Variants in TAMALIN observed in about 807,000 individuals in gnomAD.
The protein encoded by TAMALIN is protein TAMALIN.
TAMALIN carries 9 observed loss-of-function variants against 38.5 expected under a neutral mutation model. The ratio of observed to expected loss-of-function variants is 0.23; its 90% CI spans 0.14 to 0.41. The LOEUF (loss-of-function observed/expected upper bound fraction) is 0.41. TAMALIN is among the 10% of genes least tolerant of loss of function. TAMALIN has a pLI of 1.00. For synonymous variants in TAMALIN, 306 were observed against 256.5 expected (o/e 1.19, Z -1.85); for missense variants, 548 against 554.1 (o/e 0.99, Z 0.11).
Position 52,013,793 on chromosome 12 carries a change from G to T in TAMALIN, c.548+13G>T. 1 of 1,613,388 alleles carries T rather than the reference G, an allele frequency of 6.2e-7. No homozygotes were observed. Among genetic ancestry groups the T allele is most frequent in the Non-Finnish European group, 8.5e-7 (1 of 1,179,278 alleles). On this transcript the variant is annotated intron_variant, in intron 5 of 7. Transcript: ENST00000293662. Reference sequence around the variant, plus strand: ...GCAATGTTCTCAGGTATGTCTGGGAGCCGAGGTGCCTGAATTCCTGAGCTC... The same window carrying T: ...GCAATGTTCTCAGGTATGTCTGGGATCCGAGGTGCCTGAATTCCTGAGCTC...
intron 4 of TAMALIN, among the ~76,000 whole-genome samples, chr12:52,012,165 C>T (rs1008103241): frequency 3.3e-5 from 5 of 152,290 alleles, no homozygotes; most frequent in South Asian, 2.1e-4. Flanking sequence ...GCAACCCACT[C>T]GCCAGGTAAC....
At chr12:52,008,775 C>T (rs1942454187) in intron 1 of TAMALIN, 2 of 984,468 alleles carry the variant, frequency 2.0e-6, no homozygotes, top group South Asian at 4.7e-5. Flanking sequence ...GCCCAGGGGA[C>T]ACCTATCCTC....
chr12:52,007,111 C>G lies in TAMALIN; in HGVS notation c.92C>G (p.Ala31Gly). 1 of 1,482,226 alleles carries G rather than the reference C, an allele frequency of 6.7e-7. No individual in the cohort carries two copies. The allele number at this position is 1,482,226 out of a possible 1,614,324, so 91.8% of individuals were successfully genotyped here. Residue 31 changes from alanine (A) to glycine (G), a missense_variant, in exon 1 of 8, where the codon GCG becomes GGG. This residue lies in a region of TAMALIN where 128 missense variants were observed against 117.9 expected (regional missense o/e 1.09). Transcript: ENST00000293662. This position sits in a 1 kb window ranked among gnomAD's most constrained non-coding sequence, Gnocchi z 6.7. ...PAARTPDSEV[A>G]PAAPVPTPGP... ...GCCCGGACTCCCGACTCGGAAGTCGCGCCCGCCGCTCCGGTCCCGACCCCG... is the reference window on the plus strand; with the variant it reads ...GCCCGGACTCCCGACTCGGAAGTCGGGCCCGCCGCTCCGGTCCCGACCCCG...
rs1460251066 is a variant in TAMALIN, at chr12:52,008,172, C to T, written c.246+907C>T. The T allele has an allele frequency of 3.0e-6, 3 of 985,272 alleles. No homozygotes were observed. In the African/African-American group the frequency reaches 5.2e-5, roughly 17 times the overall value. 61.0% of individuals were successfully genotyped at this position (985,272 alleles called of 1,614,324 possible). A position where few individuals can be genotyped will look rare whatever the true frequency, so the allele number is the denominator to read the frequency against. Reference sequence around the variant, plus strand: ...CCTCCCTGGCCGTTTGGGAACTGTCCCCACCCCTGAGGCCAATCTGGTTCT... The same window carrying T: ...CCTCCCTGGCCGTTTGGGAACTGTCTCCACCCCTGAGGCCAATCTGGTTCT... On this transcript the variant is annotated intron_variant, in intron 1 of 7. Transcript: ENST00000293662.
In TAMALIN at chr12:52,013,897, C is replaced by A; in HGVS notation, c.569C>A (p.Thr190Lys). The A allele has an allele frequency of 6.2e-7, 1 of 1,614,130 alleles. No individual in the cohort carries two copies. The highest frequency in any genetic ancestry group is 8.5e-7 in the Non-Finnish European group (1 of 1,180,030). ...CTCAGACTGGAAACTCTATATGGGACATCAATTCGGAAGGCAGAACTGGAG... is the reference window on the plus strand; with the variant it reads ...CTCAGACTGGAAACTCTATATGGGAAATCAATTCGGAAGGCAGAACTGGAG... The part of the protein sequence containing the change: ...NVLRLETLYG[T>K]SIRKAELEAR... The change falls in exon 6 of 8, where the codon ACA becomes AAA. Residue 190 changes from threonine to lysine, a missense_variant. Around this residue, in one of 3 missense-constraint regions of TAMALIN, gnomAD observed 415 missense variants for 417.0 expected, o/e 1.00. Transcript: ENST00000293662.
chr12:52,010,005 C>T (rs929180257), intron 2 of TAMALIN, among the ~76,000 whole-genome samples: 37 of 152,176 alleles, frequency 2.4e-4, no homozygotes, highest in African/African-American at 8.7e-4. Context: ...GCTGACCCTT[C>T]CAAAAAACCC....
At position 52,007,071 on chromosome 12, in the gene TAMALIN, AC is replaced by A. The variant is rs1453568585; in HGVS notation, c.56del (p.Pro19ArgfsTer84). ...KLQQKEEAAA[T>X]PDPAARTPDS... The stretch of plus-strand genomic sequence containing the variant: ...GCAGCAGAAGGAGGAGGCGGCGGCC[AC>A]CCCGGACCCCGCCGCCCGGACTCCC... On this transcript the variant is annotated frameshift_variant, in exon 1 of 8. Transcript: ENST00000293662. LOFTEE classifies it high-confidence loss of function. The surrounding 1 kb of genome is among the most constrained non-coding windows in gnomAD (Gnocchi z 6.7). 6.9e-7 allele frequency: 1 copy of A among 1,458,664 alleles called. No individual in the cohort carries two copies. Among genetic ancestry groups the A allele is most frequent in the South Asian group, 1.3e-5 (1 of 74,650 alleles). The allele number at this position is 1,458,664 out of a possible 1,614,324, so 90.4% of individuals were successfully genotyped here.
chr12:52,008,216 C>T, intron 1 of TAMALIN: 3 of 985,438 alleles, frequency 3.0e-6, no homozygotes, highest in East Asian at 1.1e-4. Context: ...TCTTCCTTGC[C>T]TTGGGCAGCT....
Position 52,008,707 on chromosome 12 carries a change from A to G in TAMALIN, c.247-483A>G, listed in dbSNP as rs1201546529. The G allele has an allele frequency of 4.1e-6, 4 of 985,240 alleles. No individual in the cohort carries two copies. The African/African-American group carries it at 7.0e-5, about 17-fold the overall frequency. The allele number at this position is 985,240 out of a possible 1,614,324, so 61.0% of individuals were successfully genotyped here. A position where few individuals can be genotyped will look rare whatever the true frequency, so the allele number is the denominator to read the frequency against. On this transcript the variant is annotated intron_variant, in intron 1 of 7. Transcript: ENST00000293662. ...CCTCCCAAGCCACTGTCTGTAGCTGAGAAATTAGATGGAGAGACCCAACTG... is the reference window on the plus strand; with the variant it reads ...CCTCCCAAGCCACTGTCTGTAGCTGGGAAATTAGATGGAGAGACCCAACTG...
intron 2 of TAMALIN, among the ~76,000 whole-genome samples, chr12:52,009,615 C>T (rs1175250567): frequency 1.3e-5 from 2 of 152,246 alleles, no homozygotes; most frequent in East Asian, 3.9e-4. Context: ...CCCCACGGGC[C>T]CAGACCTTAG....
rs528886600 is a variant in TAMALIN, at chr12:52,007,342, C to A, written c.246+77C>A. On this transcript the variant is annotated intron_variant, in intron 1 of 7. Coordinates refer to ENST00000293662, the MANE Select transcript of TAMALIN (RefSeq NM_181711.4). The surrounding 1 kb of genome is among the most constrained non-coding windows in gnomAD (Gnocchi z 6.7). The stretch of plus-strand genomic sequence containing the variant: ...ACAGGGCCTGCTGACTCCGCAGTGC[C>A]CTCTCCTCGGCGTCCGCGGAGTCCC... The A allele has an allele frequency of 5.3e-6, 7 of 1,323,616 alleles. No individual in the cohort carries two copies. In the East Asian group the frequency reaches 2.0e-4, roughly 39 times the overall value. 82.0% of individuals were successfully genotyped at this position (1,323,616 alleles called of 1,614,324 possible).
intron 1 of TAMALIN, 88 bp from the exon 2 acceptor site, chr12:52,009,102 G>GT (rs1253196882): frequency 3.2e-6 from 4 of 1,255,676 alleles, no homozygotes; most frequent in Non-Finnish European, 4.6e-6. Flanking sequence ...CAGACAGGAA[G>GT]TGGGTCGCTG....
chr12:52,013,380 CA>C (rs1383369916), intron 4 of TAMALIN: 2 of 328,090 alleles, frequency 6.1e-6, no homozygotes, highest in African/African-American at 2.1e-5. Context: ...CCCGGCCGGA[CA>C]GAACTTCTTG....
Position 52,007,073 on chromosome 12 carries a change from C to A in TAMALIN, c.54C>A (p.Thr18=). 6.8e-7 allele frequency: 1 copy of A among 1,471,402 alleles called. No homozygotes were observed. The allele number at this position is 1,471,402 out of a possible 1,614,324, so 91.1% of individuals were successfully genotyped here. A position where few individuals can be genotyped will look rare whatever the true frequency, so the allele number is the denominator to read the frequency against. Residue 18 remains threonine (T), a synonymous_variant, in exon 1 of 8, where the codon ACC becomes ACA. Coordinates refer to ENST00000293662, the MANE Select transcript of TAMALIN (RefSeq NM_181711.4). This position sits in a 1 kb window ranked among gnomAD's most constrained non-coding sequence, Gnocchi z 6.7. The stretch of plus-strand genomic sequence containing the variant: ...AGCAGAAGGAGGAGGCGGCGGCCAC[C>A]CCGGACCCCGCCGCCCGGACTCCCG... ...KLQQKEEAAA[T]PDPAARTPDS...
intron 2 of TAMALIN, among the ~76,000 whole-genome samples, chr12:52,010,152 ATC>A (rs1942479198): frequency 6.6e-6 from 1 of 152,178 alleles, no homozygotes; most frequent in Non-Finnish European, 1.5e-5. Context: ...ATTTGGGGGA[ATC>A]TCTGGGTCAG....
chr12:52,007,132 C>T lies in TAMALIN; in HGVS notation c.113C>T (p.Thr38Ile). The T allele has an allele frequency of 6.7e-7, 1 of 1,486,158 alleles. No individual in the cohort carries two copies. Among genetic ancestry groups the T allele is most frequent in the Non-Finnish European group, 8.9e-7 (1 of 1,126,362 alleles). The allele number at this position is 1,486,158 out of a possible 1,614,324, so 92.1% of individuals were successfully genotyped here. Residue 38 changes from threonine (T) to isoleucine (I), a missense_variant, in exon 1 of 8, where the codon ACC (threonine) becomes ATC (isoleucine). Physicochemically the swap from Thr to Ile is moderately conservative, Grantham distance 89 (BLOSUM62 -1). Transcript: ENST00000293662. This position sits in a 1 kb window ranked among gnomAD's most constrained non-coding sequence, Gnocchi z 6.7. Reference sequence around the variant, plus strand: ...GTCGCGCCCGCCGCTCCGGTCCCGACCCCGGGACCCCCTGCCGCAGCCGCC... The same window carrying T: ...GTCGCGCCCGCCGCTCCGGTCCCGATCCCGGGACCCCCTGCCGCAGCCGCC... ...SEVAPAAPVP[T>I]PGPPAAAATP...
Position 52,007,290 on chromosome 12 carries a change from A to T in TAMALIN, c.246+25A>T. 7.2e-7 allele frequency: 1 copy of T among 1,397,744 alleles called. No homozygotes were observed. Among genetic ancestry groups the T allele is most frequent in the Non-Finnish European group, 9.3e-7 (1 of 1,079,422 alleles). 86.6% of individuals were successfully genotyped at this position (1,397,744 alleles called of 1,614,324 possible). ...GGTGCGTCCCCCGCCCGCCTTCAGG[A>T]TCTGCTCAGCCCCTCTCCGACTCCC... On this transcript the variant is annotated intron_variant, in intron 1 of 7. Transcript: ENST00000293662. This position sits in a 1 kb window ranked among gnomAD's most constrained non-coding sequence, Gnocchi z 6.7.
chr12:52,014,665 C>A lies in TAMALIN; in HGVS notation c.683-29C>A, dbSNP rs543261744. 1.7e-4 allele frequency: 245 copies of A among 1,445,814 alleles called. 2 individuals are homozygous for A. In the South Asian group the frequency reaches 3.5e-3, roughly 20 times the overall value. The allele number at this position is 1,445,814 out of a possible 1,614,324, so 89.6% of individuals were successfully genotyped here. A position where few individuals can be genotyped will look rare whatever the true frequency, so the allele number is the denominator to read the frequency against. On this transcript the variant is annotated intron_variant, in intron 7 of 7. Coordinates refer to ENST00000293662, the MANE Select transcript of TAMALIN (RefSeq NM_181711.4). ...AGGCCACCACGGTCCAGGCCTGACC[C>A]GCCCCCTACCTCTCCCGTCTCTGCG...
rs921318594 is a variant in TAMALIN, at chr12:52,007,788, C to T, written c.246+523C>T. The T allele has an allele frequency of 1.0e-6, 1 of 985,452 alleles. No homozygotes were observed. Among genetic ancestry groups the T allele is most frequent in the Non-Finnish European group, 1.2e-6 (1 of 829,926 alleles). 61.0% of individuals were successfully genotyped at this position (985,452 alleles called of 1,614,324 possible). A position where few individuals can be genotyped will look rare whatever the true frequency, so the allele number is the denominator to read the frequency against. ...ACTCCCCGATTCCTGGGCTGGGGGC[C>T]TGCCGCCTGGCCCCACGTCTGACGT... On this transcript the variant is annotated intron_variant, in intron 1 of 7. Transcript: ENST00000293662. This position sits in a 1 kb window ranked among gnomAD's most constrained non-coding sequence, Gnocchi z 6.7.
Sources: gnomAD v4.1 joint callset for allele counts (sites outside exome capture counted in the v4.1 genomes callset) on GRCh38, gnomAD v4.1.1 for gene constraint, gnomAD v4.1.1 regional missense constraint, Gnocchi (gnomAD v3.1) non-coding constraint, MANE v1.5 for transcripts, NCBI Gene and HGNC (gene_info 2026-07-23, HGNC 2026-07-21) for gene names.